Variants in KCNJ6 observed in about 807,000 individuals in gnomAD.
KCNJ6 encodes the protein potassium inwardly rectifying channel subfamily J member 6.
Under a neutral mutation model 34.2 loss-of-function variants are expected in KCNJ6, and 9 were observed. The ratio of observed to expected loss-of-function variants is 0.26; its 90% CI spans 0.16 to 0.46. KCNJ6 has a LOEUF of 0.46. KCNJ6 is among the 20% of genes least tolerant of loss of function. KCNJ6 has a pLI of 1.00. For synonymous variants in KCNJ6, 196 were observed against 207.1 expected (o/e 0.95, Z 0.46); for missense variants, 236 against 531.3 (o/e 0.44, Z 5.46).
rs1226524280 is a variant in KCNJ6 at position 37,684,600 on chromosome 21, G to C, written c.946+29611C>G. Among the ~76,000 whole-genome samples, 5 of 152,360 alleles carry C rather than the reference G, an allele frequency of 3.3e-5. No homozygotes were observed. In the East Asian group the frequency reaches 9.6e-4, roughly 29 times the overall value. On this transcript the variant is annotated intron_variant, in intron 3 of 3. Coordinates refer to ENST00000609713, the MANE Select transcript of KCNJ6 (RefSeq NM_002240.5). ...ATTTGAAACAGTTACCCTAGCCTAAGGTTAGGAATATTATTTGGAAACCAT... is the reference window on the plus strand; with the variant it reads ...ATTTGAAACAGTTACCCTAGCCTAACGTTAGGAATATTATTTGGAAACCAT...
intron 2 of KCNJ6, among the ~76,000 whole-genome samples, chr21:37,750,122 G>GA (rs1216371219): frequency 1.3e-5 from 2 of 151,994 alleles, no homozygotes; most frequent in Admixed American, 1.3e-4. Context: ...ACAAACATAT[G>GA]AAAAAAAGCT....
chr21:37,793,518 C>T (rs907007092), intron 2 of KCNJ6, among the ~76,000 whole-genome samples: 6 of 142,296 alleles, frequency 4.2e-5, no homozygotes, highest in African/African-American at 1.6e-4. Context: ...TGCAGTCTGG[C>T]CTGGGTGAAA....
intron 3 of KCNJ6, among the ~76,000 whole-genome samples, chr21:37,654,594 C>T (rs1349755279): frequency 2.0e-5 from 3 of 152,076 alleles, no homozygotes; most frequent in Admixed American, 1.3e-4. Context: ...CATGCAGGGC[C>T]TGCCCATGCT....
intron 3 of KCNJ6, among the ~76,000 whole-genome samples, chr21:37,658,445 T>C (rs1340004696): frequency 2.0e-5 from 3 of 152,218 alleles, no homozygotes; most frequent in Non-Finnish European, 4.4e-5. Context: ...GAGCTTTTCA[T>C]TTGCTAGAAT....
chr21:37,863,514 C>A (rs1316734108), intron 1 of KCNJ6, among the ~76,000 whole-genome samples: 2 of 152,130 alleles, frequency 1.3e-5, no homozygotes, highest in Non-Finnish European at 2.9e-5. Context: ...ACCTCTGGTG[C>A]CAGACATTTA....
rs147109629 is a variant in KCNJ6 at position 37,716,519 on chromosome 21, G to A, written c.26-1388C>T. Among the ~76,000 whole-genome samples, 435 of 151,894 alleles carry A rather than the reference G, an allele frequency of 2.9e-3. 4 individuals are homozygous for A. The Middle Eastern group carries it at 0.041, about 14-fold the overall frequency. ...CTCAGCCTCCTGAGTAGGCACAGGA[G>A]GCTCAGGCTTATGTCACTATGCCTG... On this transcript the variant is annotated intron_variant, in intron 2 of 3. Transcript: ENST00000609713.
rs954311646 is a variant in KCNJ6, at chr21:37,855,169, A to T, written c.-27-14460T>A. ...TGGAATCGAACTTTTAAAAAATAAAATTTTTTTGGTTTCTTTTCTTCTTTT... is the reference window on the plus strand; with the variant it reads ...TGGAATCGAACTTTTAAAAAATAAATTTTTTTTGGTTTCTTTTCTTCTTTT... On this transcript the variant is annotated intron_variant, in intron 1 of 3. Coordinates refer to ENST00000609713, the MANE Select transcript of KCNJ6 (RefSeq NM_002240.5). Among the ~76,000 whole-genome samples the T allele has an allele frequency of 1.1e-4, 17 of 152,212 alleles. No individual in the cohort carries two copies. The South Asian group carries it at 1.2e-3, about 11-fold the overall frequency.
At chr21:37,858,283 C>T (rs7280360) in intron 1 of KCNJ6, among the ~76,000 whole-genome samples, 70,558 of 150,092 alleles carry the variant, frequency 0.47, 17,240 homozygotes, top group East Asian at 0.61. Context: ...GTCCCAGCTA[C>T]TCGGGAGGCT....
intron 1 of KCNJ6, among the ~76,000 whole-genome samples, chr21:37,912,646 A>T (rs187591487): frequency 1.3e-5 from 2 of 152,310 alleles, no homozygotes; most frequent in East Asian, 1.9e-4. Context: ...ACCTTTTCAT[A>T]AACTAAATTA....
Position 37,613,157 on chromosome 21 carries a change from A to G in KCNJ6, c.*12002T>C, listed in dbSNP as rs1358841583. ...CTGAACAGACACCTCACCAAAGAAG[A>G]TGTACAGATGGAAAACAAGCATATA... On this transcript the variant is annotated 3_prime_UTR_variant, in exon 4 of 4. Coordinates refer to ENST00000609713, the MANE Select transcript of KCNJ6 (RefSeq NM_002240.5). 2 of 152,236 alleles carry G rather than the reference A, an allele frequency of 1.3e-5. No individual in the cohort carries two copies. The highest frequency in any genetic ancestry group is 2.9e-5 in the Non-Finnish European group (2 of 68,046). 9.4% of individuals were successfully genotyped at this position (152,236 alleles called of 1,614,324 possible).
chr21:37,812,713 C>T (rs2055328896), intron 2 of KCNJ6, among the ~76,000 whole-genome samples: 1 of 152,140 alleles, frequency 6.6e-6, no homozygotes, highest in African/African-American at 2.4e-5. Flanking sequence ...TAAAATTCAA[C>T]ATTCCTTCAT....
At chr21:37,635,147 A>G (rs1409741236) in intron 3 of KCNJ6, among the ~76,000 whole-genome samples, 1 of 152,142 alleles carries the variant, frequency 6.6e-6, no homozygotes, top group Non-Finnish European at 1.5e-5. Flanking sequence ...AAGTAGATAT[A>G]ATGGTTAGCA....
At chr21:37,812,457 C>T (rs2055327598) in intron 2 of KCNJ6, among the ~76,000 whole-genome samples, 3 of 152,208 alleles carry the variant, frequency 2.0e-5, no homozygotes, top group African/African-American at 7.2e-5. Flanking sequence ...TGTGAAGACA[C>T]ATTAAAAAAA....
At position 37,611,897 on chromosome 21, in the gene KCNJ6, C is replaced by T. The variant is rs957249015; in HGVS notation, c.*13262G>A. ...TACTAAATGGCGTGATGGTGAGAAA[C>T]CTGAAGCTGTCTCACTAAGATCAGG... On this transcript the variant is annotated 3_prime_UTR_variant, in exon 4 of 4. Coordinates refer to ENST00000609713, the MANE Select transcript of KCNJ6 (RefSeq NM_002240.5). 6.6e-6 allele frequency: 1 copy of T among 151,690 alleles called. No homozygotes were observed. The highest frequency in any genetic ancestry group is 1.5e-5 in the Non-Finnish European group (1 of 67,960). 9.4% of individuals were successfully genotyped at this position (151,690 alleles called of 1,614,324 possible).
At chr21:37,678,595 C>A (rs1056437466) in intron 3 of KCNJ6, among the ~76,000 whole-genome samples, 5 of 152,112 alleles carry the variant, frequency 3.3e-5, no homozygotes, top group Non-Finnish European at 7.4e-5. Flanking sequence ...CTGCACTGAG[C>A]AATAACCCAT....
At chr21:37,813,990 G>A (rs953446195) in intron 2 of KCNJ6, among the ~76,000 whole-genome samples, 1 of 152,164 alleles carries the variant, frequency 6.6e-6, no homozygotes, top group Non-Finnish European at 1.5e-5. Flanking sequence ...GAGAAAATAT[G>A]TGAAAACTAC....
intron 2 of KCNJ6, among the ~76,000 whole-genome samples, chr21:37,819,762 T>C (rs1231034089): frequency 6.6e-6 from 1 of 151,862 alleles, no homozygotes; most frequent in Non-Finnish European, 1.5e-5. Context: ...AAAGACTTCA[T>C]GGCTATCACA....
chr21:37,745,716 A>C (rs894127277), intron 2 of KCNJ6, among the ~76,000 whole-genome samples: 1 of 152,150 alleles, frequency 6.6e-6, no homozygotes, highest in East Asian at 1.9e-4. Flanking sequence ...ATTTATACAC[A>C]CTGAACACCT....
Position 37,618,733 on chromosome 21 carries a change from G to A in KCNJ6, c.*6426C>T, listed in dbSNP as rs1025340344. On this transcript the variant is annotated 3_prime_UTR_variant, in exon 4 of 4. Transcript: ENST00000609713. ...GTCTAAAAATAACTCTATAAATACT[G>A]TTTTCATCAGTGATAAATCTAATCT... 1 of 152,130 alleles carries A rather than the reference G, an allele frequency of 6.6e-6. No homozygotes were observed. Among genetic ancestry groups the A allele is most frequent in the Non-Finnish European group, 1.5e-5 (1 of 68,014 alleles). The allele number at this position is 152,130 out of a possible 1,614,324, so 9.4% of individuals were successfully genotyped here. A position where few individuals can be genotyped will look rare whatever the true frequency, so the allele number is the denominator to read the frequency against.
Sources: gnomAD v4.1 joint callset for allele counts (sites outside exome capture counted in the v4.1 genomes callset) on GRCh38, gnomAD v4.1.1 for gene constraint, MANE v1.5 for transcripts, NCBI Gene and HGNC (gene_info 2026-07-23, HGNC 2026-07-21) for gene names.